PRKCA: variants seen among roughly 807,000 people sequenced by gnomAD.
The protein encoded by PRKCA is protein kinase C alpha type.
PRKCA carries 27 observed loss-of-function variants against 87.0 expected under a neutral mutation model. The observed-to-expected ratio is 0.31, with a 90% confidence interval of 0.23 to 0.43. PRKCA has a LOEUF of 0.43. Ranked by LOEUF, PRKCA falls within the 20% of genes least tolerant of loss-of-function variation. The probability of loss-of-function intolerance (pLI) is 1.00; values close to 1 mark genes in which losing one functional copy is unlikely to be tolerated. For missense variants in PRKCA, 518 were observed against 852.3 expected (o/e 0.61, Z 4.88); for synonymous variants, 329 against 311.1 (o/e 1.06, Z -0.61).
chr17:66,578,786 A>G (rs1969322303), intron 3 of PRKCA, among the ~76,000 whole-genome samples: 1 of 152,078 alleles, frequency 6.6e-6, no homozygotes, highest in Non-Finnish European at 1.5e-5. Flanking sequence ...ATAGTGTCCT[A>G]ACTGACCGCC....
chr17:66,752,940 C>A (rs1974470889), intron 13 of PRKCA, among the ~76,000 whole-genome samples: 1 of 152,192 alleles, frequency 6.6e-6, no homozygotes, highest in Non-Finnish European at 1.5e-5. Flanking sequence ...GGGCCCCTGC[C>A]TTGTGTTTTA....
intron 2 of PRKCA, chr17:66,415,002 CATG>C (rs1912051332): frequency 6.6e-6 from 1 of 151,560 alleles, no homozygotes; most frequent in African/African-American, 2.4e-5. Context: ...AGTGCGCCAA[CATG>C]ATAACGTTTA....
At chr17:66,472,649 GAC>G (rs2144020655) in intron 2 of PRKCA, among the ~76,000 whole-genome samples, 1 of 152,256 alleles carries the variant, frequency 6.6e-6, no homozygotes, top group Non-Finnish European at 1.5e-5. Context: ...AAATTAACAA[GAC>G]GTAACATCCC....
At chr17:66,702,098 C>G (rs1236598645) in intron 8 of PRKCA, among the ~76,000 whole-genome samples, 1 of 151,994 alleles carries the variant, frequency 6.6e-6, no homozygotes, top group Non-Finnish European at 1.5e-5. Flanking sequence ...AAGAAAATGT[C>G]TGTCACATAC....
At chr17:66,716,396 C>A (rs1407379753) in intron 8 of PRKCA, among the ~76,000 whole-genome samples, 3 of 152,014 alleles carry the variant, frequency 2.0e-5, no homozygotes, top group Non-Finnish European at 4.4e-5. Flanking sequence ...TGTTGCAGTG[C>A]GCACTGGGCC....
intron 3 of PRKCA, among the ~76,000 whole-genome samples, chr17:66,586,280 A>G (rs1307983175): frequency 6.6e-6 from 1 of 152,056 alleles, no homozygotes. Flanking sequence ...TCTTTCCTTT[A>G]CCTAACTTGT....
chr17:66,558,470 G>C (rs1968570844), intron 3 of PRKCA, among the ~76,000 whole-genome samples: 1 of 152,094 alleles, frequency 6.6e-6, no homozygotes, highest in African/African-American at 2.4e-5. Flanking sequence ...GAGCAAGCCA[G>C]GGAGAAAGGA....
intron 8 of PRKCA, among the ~76,000 whole-genome samples, chr17:66,696,114 G>A (rs1336314033): frequency 2.6e-5 from 4 of 152,290 alleles, no homozygotes; most frequent in South Asian, 2.1e-4. Flanking sequence ...GCAAACACCC[G>A]CTGTGTGATG....
intron 3 of PRKCA, among the ~76,000 whole-genome samples, chr17:66,552,300 A>G (rs543899862): frequency 6.6e-6 from 1 of 152,304 alleles, no homozygotes; most frequent in Admixed American, 6.5e-5. Flanking sequence ...CTGTCTCCAA[A>G]ACAAAACAAA....
intron 8 of PRKCA, among the ~76,000 whole-genome samples, chr17:66,690,906 G>A (rs1412948032): frequency 6.6e-6 from 1 of 151,574 alleles, no homozygotes; most frequent in Non-Finnish European, 1.5e-5. Flanking sequence ...CACTTTAAGA[G>A]GCCAAGGCAG....
At chr17:66,441,840 A>G (rs148678215) in intron 2 of PRKCA, among the ~76,000 whole-genome samples, 19 of 152,282 alleles carry the variant, frequency 1.2e-4, no homozygotes, top group African/African-American at 4.6e-4. Flanking sequence ...TTATACCATA[A>G]TAGATGCTAA....
At chr17:66,665,574 C>T (rs975756252) in intron 5 of PRKCA, among the ~76,000 whole-genome samples, 4 of 152,084 alleles carry the variant, frequency 2.6e-5, no homozygotes, top group Non-Finnish European at 5.9e-5. Context: ...TCCTCCATGC[C>T]GGATTTCTCA....
chr17:66,677,412 C>G (rs563697145), intron 5 of PRKCA: 1 of 152,362 alleles, frequency 6.6e-6, no homozygotes, highest in South Asian at 2.1e-4. Flanking sequence ...TGGAACACAG[C>G]TGCGTTCGTT....
intron 2 of PRKCA, among the ~76,000 whole-genome samples, chr17:66,401,529 G>A (rs1426864426): frequency 6.6e-6 from 1 of 152,196 alleles, no homozygotes. Context: ...AGCTCATGAC[G>A]CATTCAGTGA....
intron 3 of PRKCA, among the ~76,000 whole-genome samples, chr17:66,503,990 A>G (rs1192992970): frequency 6.6e-6 from 1 of 152,194 alleles, no homozygotes; most frequent in Non-Finnish European, 1.5e-5. Context: ...AGTTGCATTT[A>G]AAATTCAGCA....
chr17:66,800,811 G>T (rs189713012), intron 16 of PRKCA, among the ~76,000 whole-genome samples: 50 of 152,336 alleles, frequency 3.3e-4, no homozygotes, highest in Admixed American at 1.8e-3. Flanking sequence ...GTGAAATGGG[G>T]AGAGAACATT....
intron 3 of PRKCA, among the ~76,000 whole-genome samples, chr17:66,558,689 G>T (rs180699494): frequency 4.6e-5 from 7 of 152,264 alleles, no homozygotes; most frequent in South Asian, 4.2e-4. Flanking sequence ...GGAGAGTAAG[G>T]GGGGGAGGGA....
chr17:66,692,234 T>TTAA (rs1972804031), intron 8 of PRKCA, among the ~76,000 whole-genome samples: 1 of 152,230 alleles, frequency 6.6e-6, no homozygotes, highest in African/African-American at 2.4e-5. Flanking sequence ...AACCTTTGCT[T>TTAA]TAAATACCTT....
At chr17:66,680,699 C>A (rs983005262) in intron 5 of PRKCA, among the ~76,000 whole-genome samples, 1 of 152,036 alleles carries the variant, frequency 6.6e-6, no homozygotes, top group Non-Finnish European at 1.5e-5. Flanking sequence ...TGTATGTGCC[C>A]GTGGATGAAT....
Sources: gnomAD v4.1 joint callset for allele counts (sites outside exome capture counted in the v4.1 genomes callset) on GRCh38, gnomAD v4.1.1 for gene constraint, MANE v1.5 for transcripts, NCBI Gene and HGNC (gene_info 2026-07-23, HGNC 2026-07-21) for gene names.